TMEFF1: variants seen among roughly 807,000 people sequenced by gnomAD.
TMEFF1 encodes transmembrane protein with EGF like and two follistatin like domains 1.
A neutral mutation model predicts 47.5 loss-of-function variants in TMEFF1; 20 were observed. That is an observed-to-expected ratio of 0.42 (90% confidence interval 0.30 to 0.61). The LOEUF is 0.61. Among genes scored for constraint, TMEFF1 ranks in the 20% least tolerant of loss-of-function variants. TMEFF1 has a pLI of 0.19. For missense variants in TMEFF1, 411 were observed against 471.1 expected, an observed-to-expected ratio of 0.87 and a Z score of 1.18; for synonymous variants, 162 against 166.3, an observed-to-expected ratio of 0.97 and a Z score of 0.20.
intron 4 of TMEFF1, 54 bp downstream of exon 4, chr9:100,513,387 CTTTTTCT>C: frequency 7.2e-7 from 1 of 1,380,614 alleles, no homozygotes; most frequent in Non-Finnish European, 9.6e-7. Flanking sequence ...TTCTTTCTTT[CTTTTTCT>C]TTTTTTTTTT....
chr9:100,508,692 A>C (rs774292368), intron 2 of TMEFF1, among the ~76,000 whole-genome samples: 1 of 151,944 alleles, frequency 6.6e-6, no homozygotes, highest in Non-Finnish European at 1.5e-5. Flanking sequence ...ATAAAATGCT[A>C]TTACATAAGT....
chr9:100,506,577 AAC>A (rs1306669200), intron 2 of TMEFF1, among the ~76,000 whole-genome samples: 2 of 151,916 alleles, frequency 1.3e-5, no homozygotes, highest in African/African-American at 4.8e-5. Context: ...CATCCTGGCT[AAC>A]ACAGTGAAAC....
intron 8 of TMEFF1, among the ~76,000 whole-genome samples, chr9:100,569,832 T>C (rs941214381): frequency 7.2e-5 from 11 of 152,198 alleles, no homozygotes; most frequent in African/African-American, 2.7e-4. Context: ...TTTCCAAGAA[T>C]ACACTGCATT....
chr9:100,489,326 C>T (rs1273948720), intron 1 of TMEFF1, among the ~76,000 whole-genome samples: 2 of 152,050 alleles, frequency 1.3e-5, no homozygotes, highest in African/African-American at 4.8e-5. Context: ...ATGTCAGTCC[C>T]CCAGTAGCTG....
chr9:100,542,737 G>A (rs1390619651), intron 5 of TMEFF1, among the ~76,000 whole-genome samples: 1 of 152,022 alleles, frequency 6.6e-6, no homozygotes, highest in Non-Finnish European at 1.5e-5. Context: ...TCAGTATGTG[G>A]ATCCATTTTT....
intron 8 of TMEFF1, among the ~76,000 whole-genome samples, chr9:100,564,143 C>T (rs1285873244): frequency 5.3e-5 from 8 of 152,286 alleles, no homozygotes; most frequent in Admixed American, 2.0e-4. Flanking sequence ...GGAGCAATCT[C>T]GGCTCACTGC....
In TMEFF1 at chr9:100,473,237, C is replaced by G. The variant is rs1276944025; in HGVS notation, c.-308C>G. On this transcript the variant is annotated 5_prime_UTR_variant, in exon 1 of 10. Coordinates refer to ENST00000374879, the MANE Select transcript of TMEFF1 (RefSeq NM_003692.5). The surrounding 1 kb of genome is among the most constrained non-coding windows in gnomAD (Gnocchi z 5.4). ...CTGGGCCTGCCTCCGGCCCGCGACC[C>G]CCGCCCGCCGCGCGCGCGCCCGCCC... 1.3e-5 allele frequency: 2 copies of G among 149,388 alleles called. No individual in the cohort carries two copies. Among genetic ancestry groups the G allele is most frequent in the South Asian group, 1.8e-4 (1 of 5,548 alleles). 9.3% of individuals were successfully genotyped at this position (149,388 alleles called of 1,614,324 possible).
chr9:100,572,268 A>T lies in TMEFF1; in HGVS notation c.900-250A>T, dbSNP rs184074435. 7.9e-5 allele frequency among the ~76,000 whole-genome samples: 12 copies of T among 152,344 alleles called. No individual in the cohort carries two copies. In the East Asian group the frequency reaches 1.7e-3, roughly 22 times the overall value. On this transcript the variant is annotated intron_variant, in intron 8 of 9. Coordinates refer to ENST00000374879, the MANE Select transcript of TMEFF1 (RefSeq NM_003692.5). ...GCAAAAGCAACAATAACAAAAAAAG[A>T]TATACATTAACAATATTCAGCAACT...
At chr9:100,555,162 G>GAC (rs112017161) in intron 7 of TMEFF1, among the ~76,000 whole-genome samples, 20,240 of 144,324 alleles carry the variant, frequency 0.14, 1,397 homozygotes, top group Non-Finnish European at 0.17. Flanking sequence ...TGTACACACA[G>GAC]ACACACACAC....
chr9:100,484,886 A>G (rs1837420141), intron 1 of TMEFF1, among the ~76,000 whole-genome samples: 1 of 151,828 alleles, frequency 6.6e-6, no homozygotes, highest in African/African-American at 2.4e-5. Flanking sequence ...TGCGTTGGCC[A>G]GGCTGGTCTC....
Position 100,513,321 on chromosome 9 carries a change from T to A in TMEFF1, c.451T>A (p.Ser151Thr). Residue 151 changes from serine to threonine, a missense_variant, in exon 4 of 10, where the codon TCT becomes ACT. Transcript: ENST00000374879. ...GPCYSDNGSG[S>T]GEGEEEGSGA... is the part of the protein sequence containing the mutation. ...TTTCTTCTCAGATAATGGATCTGGA[T>A]CTGGAGAAGGAGGTAAGTTTCAAGT... 6.3e-7 allele frequency: 1 copy of A among 1,598,468 alleles called. No homozygotes were observed. The highest frequency in any genetic ancestry group is 8.5e-7 in the Non-Finnish European group (1 of 1,174,386).
intron 8 of TMEFF1, among the ~76,000 whole-genome samples, chr9:100,570,213 C>G (rs1485526444): frequency 6.6e-6 from 1 of 152,038 alleles, no homozygotes; most frequent in African/African-American, 2.4e-5. Context: ...CATATCTTAG[C>G]TATTGTGAAT....
At chr9:100,546,048 C>A (rs1838725280) in intron 5 of TMEFF1, among the ~76,000 whole-genome samples, 1 of 152,196 alleles carries the variant, frequency 6.6e-6, no homozygotes. Context: ...GACTTCTGAG[C>A]CCTCCAAACT....
chr9:100,513,094 G>A (rs1837997694), intron 3 of TMEFF1, among the ~76,000 whole-genome samples: 1 of 152,044 alleles, frequency 6.6e-6, no homozygotes, highest in African/African-American at 2.4e-5. Flanking sequence ...ATACAAAGAT[G>A]TATGAAATAT....
At chr9:100,563,039 A>G (rs1436646171) in intron 8 of TMEFF1, among the ~76,000 whole-genome samples, 1 of 151,934 alleles carries the variant, frequency 6.6e-6, no homozygotes, top group Non-Finnish European at 1.5e-5. Context: ...GATGGTCTTG[A>G]TCTCTTGACC....
intron 8 of TMEFF1, among the ~76,000 whole-genome samples, chr9:100,564,261 G>C (rs756214778): frequency 1.3e-5 from 2 of 152,176 alleles, no homozygotes; most frequent in Non-Finnish European, 2.9e-5. Context: ...TTTTAGTAGA[G>C]ACAGGGTTTT....
At chr9:100,552,764 A>C (rs1029474025) in intron 7 of TMEFF1, among the ~76,000 whole-genome samples, 1 of 151,976 alleles carries the variant, frequency 6.6e-6, no homozygotes, top group Non-Finnish European at 1.5e-5. Context: ...TGGGAGGCTG[A>C]CGTGGGAGAA....
At chr9:100,534,870 C>T (rs966289647) in intron 5 of TMEFF1, among the ~76,000 whole-genome samples, 3 of 152,104 alleles carry the variant, frequency 2.0e-5, no homozygotes, top group Non-Finnish European at 2.9e-5. Context: ...CATTTTCTTC[C>T]GTTAACCACC....
intron 5 of TMEFF1, among the ~76,000 whole-genome samples, chr9:100,539,019 T>G (rs1026464556): frequency 1.4e-4 from 21 of 152,176 alleles, no homozygotes; most frequent in Admixed American, 1.3e-3. Context: ...ATTTTCATGC[T>G]TCACAGCCTC....
Sources: gnomAD v4.1 joint callset for allele counts (sites outside exome capture counted in the v4.1 genomes callset) on GRCh38, gnomAD v4.1.1 for gene constraint, Gnocchi (gnomAD v3.1) non-coding constraint, MANE v1.5 for transcripts, NCBI Gene and HGNC (gene_info 2026-07-23, HGNC 2026-07-21) for gene names.